CHPF: variants seen among roughly 807,000 people sequenced by gnomAD.
The protein encoded by CHPF is chondroitin polymerizing factor.
CHPF carries 34 observed loss-of-function variants against 55.1 expected under a neutral mutation model. The ratio of observed to expected loss-of-function variants is 0.62; its 90% CI spans 0.47 to 0.82. The LOEUF is 0.82. CHPF is among the 40% of genes least tolerant of loss of function. The pLI is 0.00. For synonymous variants in CHPF, 489 were observed against 496.6 expected (o/e 0.98, Z 0.20); for missense variants, 961 against 1,106.1 (o/e 0.87, Z 1.86).
chr2:219,539,252 G>C lies in CHPF; in HGVS notation c.*131C>G, dbSNP rs568427889. The C allele has an allele frequency of 1.6e-5, 14 of 855,236 alleles. No individual in the cohort carries two copies. The East Asian group carries it at 3.7e-4, about 23-fold the overall frequency. The allele number at this position is 855,236 out of a possible 1,614,324, so 53.0% of individuals were successfully genotyped here. On this transcript the variant is annotated 3_prime_UTR_variant, in exon 4 of 4. Coordinates refer to ENST00000243776, the MANE Select transcript of CHPF (RefSeq NM_024536.6). The stretch of plus-strand genomic sequence containing the variant: ...GCCCAGGGACCCACAGAGCCAGAGA[G>C]GGGACCAGTGGGCCAGCTTGGGGTC...
At chr2:219,540,859 T>C in intron 3 of CHPF, 87 bp downstream of exon 3, 2 of 1,527,618 alleles carry the variant, frequency 1.3e-6, no homozygotes, top group African/African-American at 1.4e-5. Context: ...TCTGTGATTC[T>C]AGTGCTAACT....
At chr2:219,542,795 G>C (rs984716364) in intron 1 of CHPF, 3 of 463,620 alleles carry the variant, frequency 6.5e-6, no homozygotes, top group South Asian at 1.8e-4. Context: ...TAATGAGATA[G>C]GTACATTCCT....
chr2:219,542,816 T>G, intron 1 of CHPF: 1 of 712,466 alleles, frequency 1.4e-6, no homozygotes, highest in Non-Finnish European at 1.7e-6. Context: ...CCCTCCCCCA[T>G]CTCACCCTGA....
chr2:219,540,713 A>G (rs1695253148), intron 3 of CHPF, 71 bp from the exon 4 acceptor site: 8 of 1,456,474 alleles, frequency 5.5e-6, no homozygotes, highest in Non-Finnish European at 7.4e-6. Context: ...GGGACTGGGT[A>G]GGCAGTAGGT....
intron 1 of CHPF, chr2:219,542,908 C>T: frequency 8.6e-7 from 1 of 1,167,716 alleles, no homozygotes; most frequent in Non-Finnish European, 1.1e-6. Flanking sequence ...TCTCTATACA[C>T]TCACCCTATA....
Position 219,543,572 on chromosome 2 carries a change from AC to A in CHPF, c.-35del, listed in dbSNP as rs1695324608. ...GACCGCGGGTCCCCGGCCCCGGCGA[AC>A]CCCCAGAGCAGCCAGAGGAGTCTCC... is the stretch of plus-strand genomic sequence containing the variant. On this transcript the variant is annotated 5_prime_UTR_variant, in exon 1 of 4. Transcript: ENST00000243776. 2 of 1,312,830 alleles carry A rather than the reference AC, an allele frequency of 1.5e-6. No individual in the cohort carries two copies. Among genetic ancestry groups the A allele is most frequent in the Non-Finnish European group, 1.9e-6 (2 of 1,033,508 alleles). The allele number at this position is 1,312,830 out of a possible 1,614,324, so 81.3% of individuals were successfully genotyped here. A position where few individuals can be genotyped will look rare whatever the true frequency, so the allele number is the denominator to read the frequency against.
chr2:219,542,997 T>G, intron 1 of CHPF: 1 of 1,319,942 alleles, frequency 7.6e-7, no homozygotes, highest in Non-Finnish European at 9.6e-7. Flanking sequence ...TCGAGCCGGT[T>G]TAGGACACAG....
In CHPF at chr2:219,540,202, A is replaced by G; in HGVS notation, c.1509T>C (p.Thr503=). The G allele has an allele frequency of 6.2e-7, 1 of 1,612,858 alleles. No homozygotes were observed. Residue 503 remains threonine (T), a synonymous_variant, in exon 4 of 4, where the codon ACT becomes ACC. Coordinates refer to ENST00000243776, the MANE Select transcript of CHPF (RefSeq NM_024536.6). ...GCAGCACAGTGAGACGTGAGGCCTC[A>G]GTGACATAGGGCACAGGCAAGATCT... is the stretch of plus-strand genomic sequence containing the variant. ...RVEILPVPYV[T]EASRLTVLLP...
At chr2:219,542,954 G>C (rs1049932288) in intron 1 of CHPF, 10 of 1,265,388 alleles carry the variant, frequency 7.9e-6, no homozygotes, top group Non-Finnish European at 7.9e-6. Context: ...AGCCCAGCCA[G>C]GGAGCTAGTA....
At position 219,542,158 on chromosome 2, in the gene CHPF, T is replaced by G; in HGVS notation, c.346A>C (p.Arg116=). 6.6e-7 allele frequency: 1 copy of G among 1,507,986 alleles called. No individual in the cohort carries two copies. Among genetic ancestry groups the G allele is most frequent in the South Asian group, 1.2e-5 (1 of 81,862 alleles). 93.4% of individuals were successfully genotyped at this position (1,507,986 alleles called of 1,614,324 possible). ...AGCACCGCCACCAGCAGCCTCTGCC[T>G]GATGCCCAGCTCCGTGCTGATGTAG... The part of the protein sequence containing the change: ...TRYISTELGI[R]QRLLVAVLTS... Residue 116 remains arginine, a synonymous_variant, in exon 2 of 4, where the codon AGG becomes CGG. Transcript: ENST00000243776.
Position 219,543,242 on chromosome 2 carries a change from G to A in CHPF, c.297C>T (p.Ala99=), listed in dbSNP as rs1695317013. 2 of 1,556,796 alleles carry A rather than the reference G, an allele frequency of 1.3e-6. No homozygotes were observed. Among genetic ancestry groups the A allele is most frequent in the South Asian group, 2.3e-5 (2 of 86,756 alleles). The change falls in exon 1 of 4, where the codon GCC becomes GCT. Residue 99 remains alanine, a synonymous_variant. Transcript: ENST00000243776. ...LPYHPAQPGQ[A]AKKAVRTRYI... Reference sequence around the variant, plus strand: ...ATCACTACCTGACGGCCTTTTTGGCGGCCTGGCCGGGCTGTGCAGGGTGGT... The same window carrying A: ...ATCACTACCTGACGGCCTTTTTGGCAGCCTGGCCGGGCTGTGCAGGGTGGT...
chr2:219,541,771 C>A lies in CHPF; in HGVS notation c.733G>T (p.Gly245Ter). ...GEPTPGRYCH[G>*]GFGVLLSRML... The stretch of plus-strand genomic sequence containing the variant: ...CGCGACAGCAGCACCCCAAAGCCTC[C>A]GTGGCAGTAGCGGCCGGGGGTGGGC... The change falls in exon 2 of 4, where the codon GGA (glycine) becomes TGA (stop). Residue 245 changes from glycine (G) to a stop codon, truncating the protein, a stop_gained. Transcript: ENST00000243776. LOFTEE classifies it high-confidence loss of function. 1 of 1,609,382 alleles carries A rather than the reference C, an allele frequency of 6.2e-7. No individual in the cohort carries two copies. The highest frequency in any genetic ancestry group is 2.2e-5 in the East Asian group (1 of 44,650).
Position 219,542,138 on chromosome 2 carries a change from C to T in CHPF, c.366G>A (p.Ala122=), listed in dbSNP as rs1695284897. Reference sequence around the variant, plus strand: ...GCAGCGTGGTCTGAGAGGTCAGCACCGCCACCAGCAGCCTCTGCCTGATGC... The same window carrying T: ...GCAGCGTGGTCTGAGAGGTCAGCACTGCCACCAGCAGCCTCTGCCTGATGC... The part of the protein sequence containing the change: ...ELGIRQRLLV[A]VLTSQTTLPT... The change falls in exon 2 of 4, where the codon GCG becomes GCA. Residue 122 remains alanine, a synonymous_variant. Transcript: ENST00000243776. The T allele has an allele frequency of 6.4e-7, 1 of 1,556,874 alleles. No individual in the cohort carries two copies. Among genetic ancestry groups the T allele is most frequent in the Non-Finnish European group, 8.6e-7 (1 of 1,158,356 alleles).
intron 1 of CHPF, 138 bp downstream of exon 1, chr2:219,543,087 C>T (rs1281388340): frequency 5.1e-6 from 7 of 1,363,710 alleles, no homozygotes; most frequent in Non-Finnish European, 6.6e-6. Flanking sequence ...AAGGCAGGGC[C>T]ATCGGAAGTT....
Position 219,543,634 on chromosome 2 carries a change from G to T in CHPF, c.-96C>A. On this transcript the variant is annotated 5_prime_UTR_variant, in exon 1 of 4. Transcript: ENST00000243776. The stretch of plus-strand genomic sequence containing the variant: ...GACCGGGGAGGGGGCGGATCCGGAG[G>T]GCTCGGGCCCCGCGGGCGGGCCCGC... 9.9e-7 allele frequency: 1 copy of T among 1,010,904 alleles called. No homozygotes were observed. The highest frequency in any genetic ancestry group is 1.3e-6 in the Non-Finnish European group (1 of 769,928). The allele number at this position is 1,010,904 out of a possible 1,614,324, so 62.6% of individuals were successfully genotyped here. A position where few individuals can be genotyped will look rare whatever the true frequency, so the allele number is the denominator to read the frequency against.
In CHPF at chr2:219,540,396, G is replaced by C; in HGVS notation, c.1315C>G (p.Pro439Ala). ...TGCTGCTTCTGGAGCCGCAAGGCCG[G>C]GTGGTAGCGGCGGTTCAGCTCCTCT... is the stretch of plus-strand genomic sequence containing the variant. ...ALEELNRRYH[P>A]ALRLQKQQLV... The change falls in exon 4 of 4, where the codon CCG (proline) becomes GCG (alanine). Residue 439 changes from proline (P) to alanine (A), a missense_variant. Coordinates refer to ENST00000243776, the MANE Select transcript of CHPF (RefSeq NM_024536.6). The C allele has an allele frequency of 6.2e-7, 1 of 1,614,064 alleles. No individual in the cohort carries two copies. The highest frequency in any genetic ancestry group is 8.5e-7 in the Non-Finnish European group (1 of 1,179,996).
intron 2 of CHPF, 194 bp from the exon 3 acceptor site, chr2:219,541,319 TC>T (rs1695265318): frequency 3.4e-6 from 2 of 594,486 alleles, no homozygotes; most frequent in South Asian, 4.9e-5. Context: ...TGGGCATGCG[TC>T]CTGTCTCAGA....
rs1324119677 is a variant in CHPF at position 219,539,574 on chromosome 2, G to A, written c.2137C>T (p.His713Tyr). The A allele has an allele frequency of 2.5e-6, 4 of 1,613,920 alleles. No homozygotes were observed. Among genetic ancestry groups the A allele is most frequent in the Non-Finnish European group, 2.5e-6 (3 of 1,179,974 alleles). The change falls in exon 4 of 4, where the codon CAC (histidine) becomes TAC (tyrosine). Residue 713 changes from histidine (H) to tyrosine (Y), a missense_variant. Coordinates refer to ENST00000243776, the MANE Select transcript of CHPF (RefSeq NM_024536.6). The stretch of plus-strand genomic sequence containing the variant: ...CGCAGCACATGCAGACTGGAGAAGT[G>A]GAGGAACAGCTCGTACACATCCAGG... ...ESLDVYELFLHFSSLHVLRAV... is the reference protein window; with the variant it reads ...ESLDVYELFLYFSSLHVLRAV...
At position 219,540,151 on chromosome 2, in the gene CHPF, G is replaced by A; in HGVS notation, c.1560C>T (p.Asp520=). 6.2e-7 allele frequency: 1 copy of A among 1,601,884 alleles called. No individual in the cohort carries two copies. Among genetic ancestry groups the A allele is most frequent in the Non-Finnish European group, 8.5e-7 (1 of 1,174,592 alleles). Residue 520 remains aspartate (D), a synonymous_variant, in exon 4 of 4, where the codon GAC becomes GAT. Coordinates refer to ENST00000243776, the MANE Select transcript of CHPF (RefSeq NM_024536.6). ...VLLPLAAAER[D]LAPGFLEAFA... is the part of the protein sequence containing the mutation. ...AGGCCTCCAAGAAGCCAGGGGCCAG[G>A]TCACGCTCAGCCGCAGCTAGAGGCA...
Sources: allele counts gnomAD v4.1 joint callset, GRCh38; gene constraint gnomAD v4.1.1; transcripts MANE v1.5; gene names NCBI Gene and HGNC (gene_info 2026-07-23, HGNC 2026-07-21).